CEP128: variants seen among roughly 807,000 people sequenced by gnomAD.
CEP128 encodes centrosomal protein 128kDa.
A neutral mutation model predicts 156.7 loss-of-function variants in CEP128; 132 were observed. The ratio of observed to expected loss-of-function variants is 0.84; its 90% CI spans 0.73 to 0.97. CEP128 has a LOEUF of 0.97. CEP128 is among the 50% of genes least tolerant of loss of function. The pLI is 0.00. For synonymous variants in CEP128, 469 were observed against 448.9 expected, an observed-to-expected ratio of 1.04 and a Z score of -0.57; for missense variants, 1,252 against 1,281.9, an observed-to-expected ratio of 0.98 and a Z score of 0.36.
At chr14:80,817,493 A>G (rs900182724) in intron 13 of CEP128, among the ~76,000 whole-genome samples, 1 of 152,374 alleles carries the variant, frequency 6.6e-6, no homozygotes, top group Admixed American at 6.5e-5. Context: ...AAAATGTAAG[A>G]TAATGTCTCA....
downstream of CEP128, among the ~76,000 whole-genome samples, chr14:80,489,267 T>A (rs1455401204): frequency 1.8e-4 from 19 of 108,004 alleles, no homozygotes; most frequent in South Asian, 6.4e-4. Context: ...TTGTAAAAGC[T>A]AAAAAAAAAA....
chr14:80,609,859 A>C (rs1201162978), intron 19 of CEP128, among the ~76,000 whole-genome samples: 3 of 152,148 alleles, frequency 2.0e-5, no homozygotes, highest in African/African-American at 7.2e-5. Flanking sequence ...TGAGTCAAAA[A>C]AAAATCACAC....
intron 19 of CEP128, among the ~76,000 whole-genome samples, chr14:80,630,845 T>C (rs1566822525): frequency 1.3e-5 from 2 of 152,018 alleles, no homozygotes; most frequent in South Asian, 4.1e-4. Context: ...GCACGCATTG[T>C]AATATGTTAC....
At chr14:80,727,805 C>G (rs904911552) in intron 19 of CEP128, among the ~76,000 whole-genome samples, 13 of 151,966 alleles carry the variant, frequency 8.6e-5, no homozygotes, top group Non-Finnish European at 1.5e-4. Flanking sequence ...AAATCAAAAC[C>G]ACAATTAGAT....
chr14:80,537,596 A>C (rs937908671), intron 21 of CEP128, among the ~76,000 whole-genome samples: 2 of 152,248 alleles, frequency 1.3e-5, no homozygotes, highest in Admixed American at 6.5e-5. Context: ...CAATCTACTT[A>C]ATTGTAATCA....
chr14:80,780,203 T>C (rs1901031363), intron 15 of CEP128, among the ~76,000 whole-genome samples: 1 of 152,162 alleles, frequency 6.6e-6, no homozygotes, highest in Non-Finnish European at 1.5e-5. Flanking sequence ...GACTCAAAAA[T>C]GTAATAAGTT....
intron 2 of CEP128, among the ~76,000 whole-genome samples, chr14:80,933,269 C>G (rs1247639069): frequency 1.3e-5 from 2 of 152,130 alleles, no homozygotes; most frequent in Non-Finnish European, 1.5e-5. Context: ...TGTGGATCAG[C>G]TATGGCCCCA....
chr14:80,707,540 T>C (rs1382116743), intron 19 of CEP128, among the ~76,000 whole-genome samples: 4 of 152,154 alleles, frequency 2.6e-5, no homozygotes, highest in Non-Finnish European at 5.9e-5. Context: ...ATAATCTTGG[T>C]GCTATAGATA....
At chr14:80,829,007 T>C (rs1885637042) in intron 13 of CEP128, among the ~76,000 whole-genome samples, 2 of 152,306 alleles carry the variant, frequency 1.3e-5, no homozygotes, top group Middle Eastern at 3.4e-3. Context: ...GAGGTTACAA[T>C]CGAGTAATCT....
chr14:80,891,556 TGAG>T (rs1450587574), intron 8 of CEP128, among the ~76,000 whole-genome samples: 1 of 138,196 alleles, frequency 7.2e-6, no homozygotes, highest in Admixed American at 7.6e-5. Context: ...GTTGGAAGGG[TGAG>T]GAGGAGATGG....
intron 9 of CEP128, among the ~76,000 whole-genome samples, chr14:80,845,386 C>T (rs1886547539): frequency 6.6e-6 from 1 of 152,142 alleles, no homozygotes; most frequent in South Asian, 2.1e-4. Flanking sequence ...AACAAGTGCA[C>T]TTTCCAGGAT....
At chr14:80,726,128 A>T (rs1463634941) in intron 19 of CEP128, among the ~76,000 whole-genome samples, 1 of 152,216 alleles carries the variant, frequency 6.6e-6, no homozygotes, top group Non-Finnish European at 1.5e-5. Context: ...ACCAACAGAC[A>T]TCTCCTATGT....
chr14:80,545,919 G>A (rs1419858241), intron 21 of CEP128, among the ~76,000 whole-genome samples: 2 of 152,148 alleles, frequency 1.3e-5, no homozygotes, highest in South Asian at 4.1e-4. Context: ...TCCTACCCCG[G>A]GTCAACTGAA....
In CEP128 at chr14:80,756,877, T is replaced by A. The variant is rs1200186538; in HGVS notation, c.2613+15A>T. On this transcript the variant is annotated intron_variant, in intron 18 of 24. Coordinates refer to ENST00000555265, the MANE Select transcript of CEP128 (RefSeq NM_152446.5). ...ATAAATATTACAATAACTTTAGGATTTAAAGATTAATTACCTTGCTTTCTG... is the reference window on the plus strand; with the variant it reads ...ATAAATATTACAATAACTTTAGGATATAAAGATTAATTACCTTGCTTTCTG... 1 of 1,524,102 alleles carries A rather than the reference T, an allele frequency of 6.6e-7. No homozygotes were observed. Among genetic ancestry groups the A allele is most frequent in the Non-Finnish European group, 9.1e-7 (1 of 1,102,192 alleles). The allele number at this position is 1,524,102 out of a possible 1,614,324, so 94.4% of individuals were successfully genotyped here. A position where few individuals can be genotyped will look rare whatever the true frequency, so the allele number is the denominator to read the frequency against.
Position 80,720,934 on chromosome 14 carries a change from C to A in CEP128, c.2806+22141G>T, listed in dbSNP as rs372106212. Among the ~76,000 whole-genome samples the A allele has an allele frequency of 6.6e-5, 10 of 152,160 alleles. No individual in the cohort carries two copies. The East Asian group carries it at 1.9e-3, about 29-fold the overall frequency. ...CACAATCTATACAACACAGAGAAAA[C>A]CTAAGTATGAAGGTAAATAAATATC... is the stretch of plus-strand genomic sequence containing the variant. On this transcript the variant is annotated intron_variant, in intron 19 of 24. Coordinates refer to ENST00000555265, the MANE Select transcript of CEP128 (RefSeq NM_152446.5).
intron 2 of CEP128, among the ~76,000 whole-genome samples, chr14:80,949,154 C>T (rs1886406514): frequency 1.3e-5 from 2 of 152,190 alleles, no homozygotes; most frequent in South Asian, 2.1e-4. Flanking sequence ...GGCTATCATA[C>T]CAAGAAAGAC....
intron 11 of CEP128, among the ~76,000 whole-genome samples, chr14:80,837,553 T>TA (rs199694254): frequency 0.014 from 2,127 of 152,072 alleles, 50 homozygotes; most frequent in African/African-American, 0.048. Context: ...CCATCTTTCC[T>TA]AAAAAAACAA....
At chr14:80,577,031 A>C (rs985076043) in intron 20 of CEP128, among the ~76,000 whole-genome samples, 2 of 152,304 alleles carry the variant, frequency 1.3e-5, no homozygotes, top group African/African-American at 2.4e-5. Flanking sequence ...TTTAACAAAT[A>C]TTTATTCAGT....
intron 8 of CEP128, chr14:80,894,453 C>T: frequency 5.7e-6 from 2 of 352,396 alleles, no homozygotes; most frequent in South Asian, 4.5e-5. Context: ...CAGAAAAGTC[C>T]TTTTTTTGAA....
Sources: gnomAD v4.1 joint callset for allele counts (sites outside exome capture counted in the v4.1 genomes callset) on GRCh38, gnomAD v4.1.1 for gene constraint, MANE v1.5 for transcripts, NCBI Gene and HGNC (gene_info 2026-07-23, HGNC 2026-07-21) for gene names.